Variants in ARHGAP15 observed in about 807,000 individuals in gnomAD.
ARHGAP15 encodes Rho GTPase activating protein 15.
In ARHGAP15, 51 loss-of-function variants were observed where a neutral mutation model predicts 63.7. That is an observed-to-expected ratio of 0.80 (90% CI 0.64 to 1.01). The LOEUF (loss-of-function observed/expected upper bound fraction) is 1.01, where lower values mean the gene tolerates loss of function less well. Among genes scored for constraint, ARHGAP15 ranks in the 50% least tolerant of loss-of-function variants. ARHGAP15 has a pLI of 0.00. For missense variants in ARHGAP15, 560 were observed against 564.6 expected (o/e 0.99, Z 0.08); for synonymous variants, 191 against 193.8 (o/e 0.99, Z 0.12).
In ARHGAP15 at chr2:143,572,972, A is replaced by G. The variant is rs13419056; in HGVS notation, c.1003+16487A>G. ...ACAAAAATGGAAATTCATAAATTAA[A>G]AAAATACCTCTAGATACCTTTATAT... On this transcript the variant is annotated intron_variant, in intron 11 of 13. Transcript: ENST00000295095. Among the ~76,000 whole-genome samples the G allele has an allele frequency of 9.6e-3, 1,467 of 152,302 alleles. 27 individuals carry two copies. The highest frequency in any genetic ancestry group is 0.034 in the African/African-American group (1,399 of 41,558).
intron 2 of ARHGAP15, among the ~76,000 whole-genome samples, chr2:143,176,474 G>T (rs1309364441): frequency 1.3e-5 from 2 of 151,764 alleles, no homozygotes; most frequent in Admixed American, 1.3e-4. Context: ...TTGAGTTTTG[G>T]GCAGCTAGTT....
intron 6 of ARHGAP15, among the ~76,000 whole-genome samples, chr2:143,259,540 CATT>C (rs1680607962): frequency 6.6e-6 from 1 of 152,104 alleles, no homozygotes. Flanking sequence ...AAGAATGCTG[CATT>C]ATTCATAAAA....
intron 8 of ARHGAP15, among the ~76,000 whole-genome samples, chr2:143,463,302 G>A (rs1691045171): frequency 6.6e-6 from 1 of 152,094 alleles, no homozygotes; most frequent in Non-Finnish European, 1.5e-5. Context: ...AGCACTTTGG[G>A]AGGCCAAGGC....
chr2:143,668,644 C>T (rs554954292), intron 12 of ARHGAP15, among the ~76,000 whole-genome samples: 1 of 152,198 alleles, frequency 6.6e-6, no homozygotes, highest in Non-Finnish European at 1.5e-5. Flanking sequence ...TAAGTCACCC[C>T]ATTTCTTTTT....
intron 3 of ARHGAP15, 112 bp from the exon 4 acceptor site, chr2:143,216,272 T>C: frequency 1.3e-6 from 1 of 754,652 alleles, no homozygotes; most frequent in Non-Finnish European, 2.2e-6. Flanking sequence ...TTAATAAAGT[T>C]CTATGACTGA....
At chr2:143,744,199 A>G (rs927925899) in intron 13 of ARHGAP15, among the ~76,000 whole-genome samples, 1 of 152,230 alleles carries the variant, frequency 6.6e-6, no homozygotes, top group Non-Finnish European at 1.5e-5. Flanking sequence ...AGCTCAACAC[A>G]TGGGTGGCAA....
intron 10 of ARHGAP15, among the ~76,000 whole-genome samples, chr2:143,545,202 C>T (rs901707627): frequency 6.6e-6 from 1 of 152,124 alleles, no homozygotes; most frequent in African/African-American, 2.4e-5. Context: ...AGAGCTCTCT[C>T]TCACCTGAAT....
chr2:143,585,857 G>A (rs993189484), intron 11 of ARHGAP15, among the ~76,000 whole-genome samples: 1 of 151,946 alleles, frequency 6.6e-6, no homozygotes, highest in African/African-American at 2.4e-5. Context: ...CAGGAAATAT[G>A]TTCACCCCTT....
At chr2:143,324,803 C>T (rs1446223153) in intron 6 of ARHGAP15, among the ~76,000 whole-genome samples, 2 of 152,142 alleles carry the variant, frequency 1.3e-5, no homozygotes, top group African/African-American at 4.8e-5. Flanking sequence ...TTTTCTTCAT[C>T]AAACTTGGTA....
chr2:143,269,841 G>T (rs1323755352), intron 6 of ARHGAP15, among the ~76,000 whole-genome samples: 1 of 152,006 alleles, frequency 6.6e-6, no homozygotes, highest in Non-Finnish European at 1.5e-5. Context: ...CCTATTAATT[G>T]ATAAGTGTAC....
intron 10 of ARHGAP15, among the ~76,000 whole-genome samples, chr2:143,523,622 T>G (rs1190806410): frequency 6.6e-6 from 1 of 152,118 alleles, no homozygotes; most frequent in Non-Finnish European, 1.5e-5. Flanking sequence ...ATGAGCATAT[T>G]TCTACCCTAA....
intron 12 of ARHGAP15, among the ~76,000 whole-genome samples, chr2:143,652,042 GA>G (rs1681194140): frequency 6.6e-6 from 1 of 151,932 alleles, no homozygotes. Context: ...GGTTTATTTT[GA>G]GACTGTCCAC....
intron 6 of ARHGAP15, among the ~76,000 whole-genome samples, chr2:143,336,548 C>T (rs563139910): frequency 7.3e-6 from 1 of 136,318 alleles, no homozygotes; most frequent in Admixed American, 8.2e-5. Context: ...GCCTTGGAAT[C>T]CTTTGCCCAT....
chr2:143,277,593 C>T (rs1408691704), intron 6 of ARHGAP15, among the ~76,000 whole-genome samples: 1 of 151,880 alleles, frequency 6.6e-6, no homozygotes, highest in African/African-American at 2.4e-5. Context: ...TTACTAAATG[C>T]ACCTATTTAT....
At chr2:143,158,678 T>C (rs576184301) in intron 2 of ARHGAP15, among the ~76,000 whole-genome samples, 43 of 151,808 alleles carry the variant, frequency 2.8e-4, no homozygotes, top group Non-Finnish European at 5.6e-4. Context: ...AGAGCTCCCT[T>C]TGGTGGGGAA....
chr2:143,153,195 C>T (rs1413615576), intron 1 of ARHGAP15, among the ~76,000 whole-genome samples: 2 of 151,942 alleles, frequency 1.3e-5, no homozygotes, highest in Non-Finnish European at 2.9e-5. Context: ...TGGCTAGATG[C>T]TCTTGGCCAG....
At chr2:143,309,770 T>G (rs77123159) in intron 6 of ARHGAP15, among the ~76,000 whole-genome samples, 2,897 of 152,098 alleles carry the variant, frequency 0.019, 97 homozygotes, top group African/African-American at 0.066. Flanking sequence ...ATCACTGGCT[T>G]CTGCCAACTA....
chr2:143,632,325 T>C (rs1361914756), intron 12 of ARHGAP15, among the ~76,000 whole-genome samples: 5 of 152,074 alleles, frequency 3.3e-5, no homozygotes, highest in African/African-American at 1.2e-4. Flanking sequence ...TATAAAACCA[T>C]ATGAACATAT....
At chr2:143,496,456 C>T (rs978537407) in intron 9 of ARHGAP15, among the ~76,000 whole-genome samples, 1 of 152,128 alleles carries the variant, frequency 6.6e-6, no homozygotes, top group Non-Finnish European at 1.5e-5. Context: ...AAATTGGTTT[C>T]CCTGTGGTTC....
Sources: allele counts gnomAD v4.1 joint callset (sites outside exome capture counted in the v4.1 genomes callset), GRCh38; gene constraint gnomAD v4.1.1; transcripts MANE v1.5; gene names NCBI Gene and HGNC (gene_info 2026-07-23, HGNC 2026-07-21).